The following PTCD3 variants were observed in gnomAD, a reference collection of about 807,000 sequenced individuals.
PTCD3 encodes the protein pentatricopeptide repeat domain 3.
A neutral mutation model predicts 101.9 loss-of-function variants in PTCD3; 89 were observed. The observed-to-expected ratio is 0.87, with a 90% CI of 0.74 to 1.04. The LOEUF (loss-of-function observed/expected upper bound fraction) is 1.04, where lower values mean the gene tolerates loss of function less well. Ranked by LOEUF, PTCD3 falls within the 50% of genes least tolerant of loss-of-function variation. The pLI is 0.00. For missense variants in PTCD3, 870 were observed against 828.2 expected (o/e 1.05, Z -0.62); for synonymous variants, 296 against 278.5 (o/e 1.06, Z -0.63).
intron 9 of PTCD3, among the ~76,000 whole-genome samples, chr2:86,124,411 G>A (rs1430356270): frequency 1.3e-5 from 2 of 152,216 alleles, no homozygotes; most frequent in Non-Finnish European, 2.9e-5. Flanking sequence ...GATCACTTGA[G>A]GTCAGGGGTT....
intron 12 of PTCD3, 137 bp downstream of exon 12, chr2:86,126,017 G>A (rs1674378830): frequency 3.6e-6 from 2 of 559,474 alleles, no homozygotes; most frequent in South Asian, 2.2e-5. Flanking sequence ...ATCACCTGAG[G>A]CCAGGAGTTG....
rs540849259 is a variant in PTCD3, at chr2:86,135,171, G to A, written c.1778+184G>A. ...AGTATGCATGATGTAGTTGAGATAA[G>A]GCATAGTTCTCTCAAACCATACGCT... On this transcript the variant is annotated intron_variant, in intron 21 of 23. Transcript: ENST00000254630. 7.5e-6 allele frequency: 4 copies of A among 531,650 alleles called. No individual in the cohort carries two copies. In the South Asian group the frequency reaches 1.8e-4, roughly 24 times the overall value. 32.9% of individuals were successfully genotyped at this position (531,650 alleles called of 1,614,324 possible).
At chr2:86,108,229 C>A in intron 1 of PTCD3, 121 bp from the exon 2 acceptor site, 1 of 1,089,968 alleles carries the variant, frequency 9.2e-7, no homozygotes, top group Non-Finnish European at 1.3e-6. Context: ...CGTTCATTGA[C>A]ATGAGTTATC....
At chr2:86,108,009 C>T (rs1673995788) in intron 1 of PTCD3, among the ~76,000 whole-genome samples, 2 of 151,988 alleles carry the variant, frequency 1.3e-5, no homozygotes, top group African/African-American at 4.8e-5. Flanking sequence ...GCCTGTAGTC[C>T]TAGTTACTCA....
At chr2:86,128,300 A>G (rs181706552) in intron 14 of PTCD3, among the ~76,000 whole-genome samples, 32 of 137,984 alleles carry the variant, frequency 2.3e-4, no homozygotes, top group African/African-American at 8.6e-4. Flanking sequence ...CTTACTACCT[A>G]AAATTATTCT....
intron 19 of PTCD3, 34 bp from the exon 20 acceptor site, chr2:86,134,258 C>T: frequency 6.7e-7 from 1 of 1,494,972 alleles, no homozygotes; most frequent in East Asian, 2.3e-5. Flanking sequence ...TTTTACATAA[C>T]AATGATCACT....
rs1311903073 is a variant in PTCD3 at position 86,136,805 on chromosome 2, A to G, written c.1821-177A>G. The G allele has an allele frequency of 3.5e-6, 3 of 857,244 alleles. No homozygotes were observed. In the African/African-American group the frequency reaches 5.1e-5, roughly 14 times the overall value. 53.1% of individuals were successfully genotyped at this position (857,244 alleles called of 1,614,324 possible). A position where few individuals can be genotyped will look rare whatever the true frequency, so the allele number is the denominator to read the frequency against. ...CATACTGAATGAATGTTGATAATCC[A>G]TTTGGCCCTTTAGACTTTCTAACCT... On this transcript the variant is annotated intron_variant, in intron 22 of 23. Coordinates refer to ENST00000254630, the MANE Select transcript of PTCD3 (RefSeq NM_017952.6).
In PTCD3 at chr2:86,125,081, AG is replaced by A. The variant is rs1463663526; in HGVS notation, c.804+1del. The A allele has an allele frequency of 6.2e-7, 1 of 1,613,478 alleles. No individual in the cohort carries two copies. Among genetic ancestry groups the A allele is most frequent in the African/African-American group, 1.3e-5 (1 of 74,910 alleles). On this transcript the variant is annotated frameshift_variant and splice_region_variant, in exon 10 of 24. Transcript: ENST00000254630. LOFTEE classifies it high-confidence loss of function. ...TGCACAATGATCCGAGGAATGGTGA[AG>A]GTACATTTGTTTTATTTATTTTTGT... ...SYCTMIRGMVKHRAYEQALNL... is the reference protein window; with the variant it reads ...SYCTMIRGMVXHRAYEQALNL...
At chr2:86,119,836 G>T (rs1674249556) in intron 7 of PTCD3, among the ~76,000 whole-genome samples, 1 of 152,198 alleles carries the variant, frequency 6.6e-6, no homozygotes, top group African/African-American at 2.4e-5. Context: ...CTCTAAAATT[G>T]TGTGGTTCTC....
At chr2:86,106,647 A>G (rs887008918) in intron 1 of PTCD3, among the ~76,000 whole-genome samples, 33 of 152,322 alleles carry the variant, frequency 2.2e-4, no homozygotes, top group Non-Finnish European at 4.6e-4. Flanking sequence ...GCTATTAGCA[A>G]CACTACCCCA....
At position 86,140,773 on chromosome 2, in the gene PTCD3, T is replaced by G. The variant is rs1297388914; in HGVS notation, c.*3214T>G. Reference sequence around the variant, plus strand: ...CAAGTCTTCATCCTGGCCCAGGAAATAGCCTATTAAAAAATGCTGTCCAGG... The same window carrying G: ...CAAGTCTTCATCCTGGCCCAGGAAAGAGCCTATTAAAAAATGCTGTCCAGG... On this transcript the variant is annotated 3_prime_UTR_variant, in exon 24 of 24. Transcript: ENST00000254630. The G allele has an allele frequency of 6.6e-6, 1 of 151,848 alleles. No homozygotes were observed. Among genetic ancestry groups the G allele is most frequent in the Non-Finnish European group, 1.5e-5 (1 of 67,966 alleles). 9.4% of individuals were successfully genotyped at this position (151,848 alleles called of 1,614,324 possible). A position where few individuals can be genotyped will look rare whatever the true frequency, so the allele number is the denominator to read the frequency against.
intron 4 of PTCD3, among the ~76,000 whole-genome samples, chr2:86,114,256 C>A (rs1674141538): frequency 6.6e-6 from 1 of 151,720 alleles, no homozygotes; most frequent in South Asian, 2.1e-4. Context: ...GGTTGTATCG[C>A]CAAGACTGAG....
rs968474822 is a variant in PTCD3 at position 86,110,966 on chromosome 2, A to G, written c.195-147A>G. On this transcript the variant is annotated intron_variant, in intron 3 of 23. Transcript: ENST00000254630. ...AGAACCAGCAGTTTTCTTAATTTCTAATTTATTCTAGTGACCTTGTGACAT... is the reference window on the plus strand; with the variant it reads ...AGAACCAGCAGTTTTCTTAATTTCTGATTTATTCTAGTGACCTTGTGACAT... 3.7e-6 allele frequency: 3 copies of G among 806,920 alleles called. No individual in the cohort carries two copies. The African/African-American group carries it at 5.1e-5, about 14-fold the overall frequency. 50.0% of individuals were successfully genotyped at this position (806,920 alleles called of 1,614,324 possible). A position where few individuals can be genotyped will look rare whatever the true frequency, so the allele number is the denominator to read the frequency against.
At chr2:86,117,271 A>G (rs1674193154) in intron 6 of PTCD3, 112 bp downstream of exon 6, 2 of 544,040 alleles carry the variant, frequency 3.7e-6, no homozygotes, top group Non-Finnish European at 6.7e-6. Flanking sequence ...TATTTGGATG[A>G]TAAGCCTTTT....
Position 86,140,963 on chromosome 2 carries a change from C to T in PTCD3, c.*3404C>T, listed in dbSNP as rs1383309013. ...AGCTGTGGACTTTCAGGATTCAGGA[C>T]TGCTGGGGATCAAGCCCAAGGATGT... On this transcript the variant is annotated 3_prime_UTR_variant, in exon 24 of 24. Coordinates refer to ENST00000254630, the MANE Select transcript of PTCD3 (RefSeq NM_017952.6). The T allele has an allele frequency of 6.6e-6, 1 of 150,664 alleles. No homozygotes were observed. The highest frequency in any genetic ancestry group is 1.5e-5 in the Non-Finnish European group (1 of 67,846). The allele number at this position is 150,664 out of a possible 1,614,324, so 9.3% of individuals were successfully genotyped here. A position where few individuals can be genotyped will look rare whatever the true frequency, so the allele number is the denominator to read the frequency against.
intron 16 of PTCD3, 148 bp downstream of exon 16, chr2:86,131,254 T>G: frequency 1.5e-6 from 1 of 671,078 alleles, no homozygotes; most frequent in Non-Finnish European, 2.3e-6. Flanking sequence ...TATAATTTTT[T>G]TTTTCTTTGA....
intron 8 of PTCD3, among the ~76,000 whole-genome samples, chr2:86,121,900 A>G (rs1373379739): frequency 2.0e-5 from 3 of 152,228 alleles, no homozygotes; most frequent in African/African-American, 7.2e-5. Context: ...TATTCTGGCC[A>G]GGGAAAGACT....
In PTCD3 at chr2:86,111,136, C is replaced by T. The variant is rs199979822; in HGVS notation, c.218C>T (p.Ala73Val). The change falls in exon 4 of 24, where the codon GCA becomes GTA. Residue 73 changes from alanine to valine, a missense_variant. Ala to Val is a moderately conservative substitution (Grantham distance 64, BLOSUM62 0). Transcript: ENST00000254630. Reference sequence around the variant, plus strand: ...AGGGATAAAGTAGCCGTTCTTCAGGCACTTGCATCCACAGTAAACAGGGTA... The same window carrying T: ...AGGGATAAAGTAGCCGTTCTTCAGGTACTTGCATCCACAGTAAACAGGGTA... ...KTWDKVAVLQ[A>V]LASTVNRDTT... is the part of the protein sequence containing the mutation. 15 of 1,613,558 alleles carry T rather than the reference C, an allele frequency of 9.3e-6. No individual in the cohort carries two copies. In the Admixed American group the frequency reaches 2.3e-4, roughly 25 times the overall value.
intron 21 of PTCD3, chr2:86,135,888 G>A (rs1312384548): frequency 3.9e-6 from 2 of 517,808 alleles, no homozygotes; most frequent in South Asian, 2.8e-5. Flanking sequence ...GATGATTGGC[G>A]CAGGGGTACG....
Sources: allele counts gnomAD v4.1 joint callset (sites outside exome capture counted in the v4.1 genomes callset), GRCh38; gene constraint gnomAD v4.1.1; transcripts MANE v1.5; gene names NCBI Gene and HGNC (gene_info 2026-07-23, HGNC 2026-07-21).